ENTREP2: variants seen among roughly 807,000 people sequenced by gnomAD.
ENTREP2 encodes protein ENTREP2.
At chr15:29,476,835 C>T in the ENTREP2 span, among the ~76,000 whole-genome samples, 4 of 152,318 alleles carry the variant, frequency 2.6e-5, no homozygotes, top group Admixed American at 6.5e-5. Flanking sequence ...GACAGCGATG[C>T]CACCACCCTG....
At chr15:29,446,905 C>T in the ENTREP2 span, among the ~76,000 whole-genome samples, 40 of 152,186 alleles carry the variant, frequency 2.6e-4, no homozygotes, top group African/African-American at 9.6e-4. Flanking sequence ...TCTGATTCTC[C>T]TCTTCTGCCT....
the ENTREP2 span, among the ~76,000 whole-genome samples, chr15:29,188,053 G>A: frequency 3.9e-5 from 6 of 152,160 alleles, no homozygotes; most frequent in African/African-American, 9.7e-5. Flanking sequence ...GGGCGGTATC[G>A]CACAGTGGAG....
the ENTREP2 span, among the ~76,000 whole-genome samples, chr15:29,455,984 T>A: frequency 6.6e-6 from 1 of 152,228 alleles, no homozygotes; most frequent in African/African-American, 2.4e-5. Flanking sequence ...GGGCTCCCAC[T>A]GATTCTACAT....
chr15:29,639,768 C>CTTTTTTTTTTTTT, the ENTREP2 span, among the ~76,000 whole-genome samples: 1 of 127,304 alleles, frequency 7.9e-6, no homozygotes. Context: ...TTTTTGTTTG[C>CTTTTTTTTTTTTT]TTTTTTTTTT....
chr15:29,441,532 T>C, the ENTREP2 span, among the ~76,000 whole-genome samples: 36 of 152,296 alleles, frequency 2.4e-4, no homozygotes, highest in African/African-American at 7.9e-4. Flanking sequence ...CGTTCTGCAA[T>C]TGTTGAGGGA....
the ENTREP2 span, among the ~76,000 whole-genome samples, chr15:29,478,019 A>ATTTTTTTT: frequency 3.9e-4 from 21 of 54,276 alleles, no homozygotes; most frequent in Non-Finnish European, 4.8e-4. Flanking sequence ...ATATATATAT[A>ATTTTTTTT]TTTTTTTTTT....
At chr15:29,444,114 A>C in the ENTREP2 span, among the ~76,000 whole-genome samples, 70 of 149,322 alleles carry the variant, frequency 4.7e-4, 1 homozygote, top group African/African-American at 8.7e-4. Flanking sequence ...AAAAGAAAGA[A>C]AGACAGACAG....
chr15:29,663,290 C>T, the ENTREP2 span, among the ~76,000 whole-genome samples: 1 of 151,864 alleles, frequency 6.6e-6, no homozygotes, highest in Non-Finnish European at 1.5e-5. Flanking sequence ...GAGGCCAAGG[C>T]GGGCGGATCA....
chr15:29,653,529 T>C, the ENTREP2 span, among the ~76,000 whole-genome samples: 19 of 152,298 alleles, frequency 1.2e-4, no homozygotes, highest in Admixed American at 1.0e-3. Context: ...GTTCTCATCA[T>C]AGTGAGTGAG....
At chr15:29,177,933 T>C in the ENTREP2 span, among the ~76,000 whole-genome samples, 1 of 151,940 alleles carries the variant, frequency 6.6e-6, no homozygotes, top group Admixed American at 6.6e-5. Context: ...AGGGTGGATG[T>C]GCTGCAGGGA....
the ENTREP2 span, among the ~76,000 whole-genome samples, chr15:29,670,079 A>G: frequency 1.3e-5 from 2 of 152,208 alleles, no homozygotes; most frequent in Non-Finnish European, 2.9e-5. Context: ...TCTTGTATTT[A>G]TGATAAACTT....
the ENTREP2 span, among the ~76,000 whole-genome samples, chr15:29,216,237 C>T: frequency 2.0e-5 from 3 of 152,160 alleles, no homozygotes; most frequent in Admixed American, 2.0e-4. Context: ...CTTAGTTTCA[C>T]TGGATACAAA....
chr15:29,329,317 C>T, the ENTREP2 span, among the ~76,000 whole-genome samples: 1,397 of 150,914 alleles, frequency 9.3e-3, 21 homozygotes, highest in African/African-American at 0.031. Context: ...GAGCTGCGAT[C>T]GCACCACTGC....
At chr15:29,643,384 C>T in the ENTREP2 span, among the ~76,000 whole-genome samples, 1 of 152,162 alleles carries the variant, frequency 6.6e-6, no homozygotes, top group Non-Finnish European at 1.5e-5. Flanking sequence ...AGATGTTCAA[C>T]ATCATTAGCC....
chr15:29,457,810 C>T, the ENTREP2 span, among the ~76,000 whole-genome samples: 1 of 152,186 alleles, frequency 6.6e-6, no homozygotes, highest in Non-Finnish European at 1.5e-5. Context: ...TTTTGCTTGC[C>T]TCCATCAAGG....
At chr15:29,156,611 C>T in the ENTREP2 span, among the ~76,000 whole-genome samples, 24 of 152,054 alleles carry the variant, frequency 1.6e-4, no homozygotes, top group South Asian at 2.1e-4. Context: ...ACCCGTGAGG[C>T]GGTACCGGAG....
the ENTREP2 span, among the ~76,000 whole-genome samples, chr15:29,238,773 C>A: frequency 6.6e-6 from 1 of 152,116 alleles, no homozygotes; most frequent in Non-Finnish European, 1.5e-5. Flanking sequence ...TCTTACATGG[C>A]CAGAGCAGGA....
At chr15:29,177,233 G>A in the ENTREP2 span, among the ~76,000 whole-genome samples, 1 of 152,160 alleles carries the variant, frequency 6.6e-6, no homozygotes, top group African/African-American at 2.4e-5. Context: ...TCGTGTATGG[G>A]ACTCTGTCAT....
the ENTREP2 span, among the ~76,000 whole-genome samples, chr15:29,160,229 G>A: frequency 2.0e-5 from 3 of 152,202 alleles, no homozygotes; most frequent in South Asian, 4.1e-4. Context: ...CAAGTACCAC[G>A]CGCAGCCCCG....
Sources: allele counts gnomAD v4.1 joint callset (sites outside exome capture counted in the v4.1 genomes callset), GRCh38; gene constraint gnomAD v4.1.1; transcripts MANE v1.5; gene names NCBI Gene and HGNC (gene_info 2026-07-23, HGNC 2026-07-21).